Variants in SH3KBP1 observed in about 807,000 individuals in gnomAD.
SH3KBP1 encodes the protein SH3 domain-containing kinase-binding protein 1.
SH3KBP1 carries 8 observed loss-of-function variants against 50.1 expected under a neutral mutation model. That is an observed-to-expected ratio of 0.16 (90% CI 0.09 to 0.29). The LOEUF is 0.29. SH3KBP1 is among the 10% of genes least tolerant of loss of function. The pLI is 1.00. For missense variants in SH3KBP1, 377 were observed against 535.2 expected (o/e 0.70, Z 2.92); for synonymous variants, 227 against 218.6 (o/e 1.04, Z -0.34).
chrX:19,614,104 G>A (rs1455359185), intron 8 of SH3KBP1, among the ~76,000 whole-genome samples: 1 of 113,010 alleles, frequency 8.8e-6, no homozygotes, highest in Admixed American at 9.3e-5. Flanking sequence ...GCTGCCTCAG[G>A]TGAAACCCCC....
chrX:19,858,044 TG>T (rs956056144), intron 1 of SH3KBP1, among the ~76,000 whole-genome samples: 2 of 109,262 alleles, frequency 1.8e-5, no homozygotes, highest in Non-Finnish European at 3.8e-5. Flanking sequence ...CTGGGTGTGG[TG>T]GTGCACGCCT....
intron 6 of SH3KBP1, among the ~76,000 whole-genome samples, chrX:19,676,516 G>A (rs1391135715): frequency 1.8e-5 from 2 of 110,929 alleles, no homozygotes; most frequent in Non-Finnish European, 3.8e-5. Flanking sequence ...ATAACTCAAC[G>A]GATAAATGCT....
chrX:19,861,656 T>C (rs1373428423), intron 1 of SH3KBP1, among the ~76,000 whole-genome samples: 3 of 110,803 alleles, frequency 2.7e-5, no homozygotes, highest in Non-Finnish European at 5.7e-5. Flanking sequence ...TGAAGGAAAA[T>C]AGGTGATCTT....
chrX:19,647,720 C>T (rs1383290932), intron 6 of SH3KBP1, among the ~76,000 whole-genome samples: 2 of 111,255 alleles, frequency 1.8e-5, no homozygotes, highest in Middle Eastern at 4.6e-3. Flanking sequence ...GCCAGTGCTC[C>T]GGAGATGGGA....
intron 13 of SH3KBP1, among the ~76,000 whole-genome samples, chrX:19,552,240 T>G (rs759327716): frequency 8.9e-6 from 1 of 112,141 alleles, no homozygotes; most frequent in African/African-American, 3.2e-5. Context: ...TTTACTGTTT[T>G]GGAAGAGCGC....
At chrX:19,755,641 G>C (rs7050548) in intron 2 of SH3KBP1, among the ~76,000 whole-genome samples, 38,641 of 110,253 alleles carry the variant, frequency 0.35, 8,875 homozygotes, top group African/African-American at 0.84. Flanking sequence ...GAGACAGAAC[G>C]TCTCATATTG....
chrX:19,876,383 A>G (rs1014331371), intron 1 of SH3KBP1, among the ~76,000 whole-genome samples: 5 of 111,250 alleles, frequency 4.5e-5, no homozygotes, highest in Admixed American at 1.9e-4. Flanking sequence ...AAACAAACAA[A>G]AAAAACACCT....
chrX:19,669,056 G>A (rs776011059), intron 6 of SH3KBP1, among the ~76,000 whole-genome samples: 2 of 94,049 alleles, frequency 2.1e-5, no homozygotes, highest in South Asian at 1.1e-3. Context: ...TCAACCTCCC[G>A]GGCTCAGGCG....
rs1478924524 is a variant in SH3KBP1, at chrX:19,640,721, A to G, written c.802+4679T>C. 3.6e-5 allele frequency among the ~76,000 whole-genome samples: 4 copies of G among 111,068 alleles called. No homozygotes were observed. The East Asian group carries it at 1.1e-3, about 31-fold the overall frequency. On this transcript the variant is annotated intron_variant, in intron 7 of 17. Coordinates refer to ENST00000397821, the MANE Select transcript of SH3KBP1 (RefSeq NM_031892.3). ...TCCCAACTTTCCACACCTAAGTAAC[A>G]AAAGGACCATAGGCTACTCCCTTTG...
At chrX:19,578,043 C>T (rs1244957498) in intron 12 of SH3KBP1, among the ~76,000 whole-genome samples, 5 of 112,100 alleles carry the variant, frequency 4.5e-5, no homozygotes, top group Non-Finnish European at 9.4e-5. Context: ...CACCACACAT[C>T]CTCTATTGTT....
At chrX:19,678,987 T>C (rs1200661466) in intron 6 of SH3KBP1, among the ~76,000 whole-genome samples, 1 of 111,652 alleles carries the variant, frequency 9.0e-6, no homozygotes, top group Non-Finnish European at 1.9e-5. Flanking sequence ...ATCTGTGCTA[T>C]CTCTTTCCCT....
intron 2 of SH3KBP1, among the ~76,000 whole-genome samples, chrX:19,835,330 G>T (rs1019231233): frequency 9.1e-5 from 10 of 109,593 alleles, no homozygotes; most frequent in Non-Finnish European, 1.5e-4. Flanking sequence ...TAGAGACAGG[G>T]ATCTCCCTAT....
chrX:19,877,402 G>A (rs949941036), intron 1 of SH3KBP1, among the ~76,000 whole-genome samples: 1 of 111,931 alleles, frequency 8.9e-6, no homozygotes, highest in African/African-American at 3.2e-5. Context: ...CTAAGAGGAG[G>A]GGGCAGCAGA....
At chrX:19,772,351 C>G (rs1273682624) in intron 2 of SH3KBP1, among the ~76,000 whole-genome samples, 1 of 111,191 alleles carries the variant, frequency 9.0e-6, no homozygotes, top group Non-Finnish European at 1.9e-5. Context: ...CCACCTTTAA[C>G]AGCTTTGGGA....
intron 3 of SH3KBP1, among the ~76,000 whole-genome samples, chrX:19,712,868 C>T (rs1010478381): frequency 3.6e-5 from 4 of 111,620 alleles, no homozygotes; most frequent in African/African-American, 6.5e-5. Flanking sequence ...TCTGCCACAA[C>T]ATTTACCTAA....
chrX:19,767,165 T>C (rs186239153), intron 2 of SH3KBP1, among the ~76,000 whole-genome samples: 1 of 112,311 alleles, frequency 8.9e-6, no homozygotes, highest in Admixed American at 9.4e-5. Flanking sequence ...GAGACAGGTG[T>C]GGCTAAGGGT....
intron 8 of SH3KBP1, among the ~76,000 whole-genome samples, chrX:19,614,488 T>C (rs1008047566): frequency 8.9e-6 from 1 of 112,013 alleles, no homozygotes; most frequent in African/African-American, 3.3e-5. Context: ...CTCTCACACC[T>C]GTCTGCACAT....
intron 1 of SH3KBP1, among the ~76,000 whole-genome samples, chrX:19,837,788 G>T (rs1470304215): frequency 9.0e-6 from 1 of 110,587 alleles, no homozygotes; most frequent in Non-Finnish European, 1.9e-5. Context: ...ATGAATGAAT[G>T]GCAAATGAAT....
rs375969549 is a variant in SH3KBP1, at chrX:19,695,569, G to A, written c.520+43C>T. ...AAGGGAGGCTGGAGCACAGCCTGCC[G>A]GTCCCCCGCCCCTCTCCTGCTTGGT... On this transcript the variant is annotated intron_variant, in intron 5 of 17. Coordinates refer to ENST00000397821, the MANE Select transcript of SH3KBP1 (RefSeq NM_031892.3). 46 of 1,196,637 alleles carry A rather than the reference G, an allele frequency of 3.8e-5. No homozygotes were observed. In the African/African-American group the frequency reaches 5.3e-4, roughly 14 times the overall value.
Sources: gnomAD v4.1 joint callset for allele counts (sites outside exome capture counted in the v4.1 genomes callset) on GRCh38, gnomAD v4.1.1 for gene constraint, MANE v1.5 for transcripts, NCBI Gene and HGNC (gene_info 2026-07-23, HGNC 2026-07-21) for gene names.